ZNF385D: variants seen among roughly 807,000 people sequenced by gnomAD.
ZNF385D encodes the protein zinc finger protein 659.
A neutral mutation model predicts 35.8 loss-of-function variants in ZNF385D; 15 were observed. That is an observed-to-expected ratio of 0.42 (90% confidence interval 0.28 to 0.64). ZNF385D has a LOEUF of 0.64. Among genes scored for constraint, ZNF385D ranks in the 30% least tolerant of loss-of-function variants. ZNF385D has a pLI of 0.23. For missense variants in ZNF385D, 474 were observed against 494.6 expected, an observed-to-expected ratio of 0.96 and a Z score of 0.39; for synonymous variants, 212 against 186.8, an observed-to-expected ratio of 1.13 and a Z score of -1.10.
At chr3:21,818,186 G>T (rs148991232) in intron 3 of ZNF385D, among the ~76,000 whole-genome samples, 1,955 of 151,762 alleles carry the variant, frequency 0.013, 19 homozygotes, top group Non-Finnish European at 0.02. Flanking sequence ...CGTGATGGGG[G>T]TGGGGATGGG....
intron 3 of ZNF385D, among the ~76,000 whole-genome samples, chr3:21,884,033 C>G (rs1360720132): frequency 1.3e-5 from 2 of 151,920 alleles, no homozygotes; most frequent in Non-Finnish European, 2.9e-5. Flanking sequence ...TTAGAGCTGA[C>G]ATGTAGCATA....
intron 3 of ZNF385D, among the ~76,000 whole-genome samples, chr3:21,920,561 C>G (rs949598733): frequency 1.4e-5 from 2 of 144,902 alleles, no homozygotes; most frequent in Admixed American, 1.4e-4. Context: ...CTGAAAGTGA[C>G]TGAGATCATT....
In ZNF385D at chr3:22,327,049, G is replaced by A. The variant is rs200236871; in HGVS notation, c.106+45401C>T. ...CAGGAGATGAAAGTGAAACCCAAAT[G>A]ACTTTGAAATCTATTAAGTACCTTA... On this transcript the variant is annotated intron_variant, in intron 2 of 5. Coordinates refer to the ZNF385D transcript ENST00000494108. Among the ~76,000 whole-genome samples the A allele has an allele frequency of 2.6e-5, 4 of 152,226 alleles. No individual in the cohort carries two copies. In the East Asian group the frequency reaches 7.7e-4, roughly 29 times the overall value.
chr3:22,197,796 A>G (rs920154025), intron 2 of ZNF385D, among the ~76,000 whole-genome samples: 14 of 152,126 alleles, frequency 9.2e-5, no homozygotes, highest in Non-Finnish European at 2.1e-4. Flanking sequence ...CTTGATGAAC[A>G]AAAGCTGCTT....
chr3:22,089,169 T>C (rs895738691), intron 3 of ZNF385D, among the ~76,000 whole-genome samples: 2 of 152,194 alleles, frequency 1.3e-5, no homozygotes, highest in Non-Finnish European at 2.9e-5. Flanking sequence ...GCATGGCAGA[T>C]ATGCTTTTAA....
intron 2 of ZNF385D, among the ~76,000 whole-genome samples, chr3:22,242,291 G>A (rs920979213): frequency 6.6e-6 from 1 of 151,126 alleles, no homozygotes; most frequent in Non-Finnish European, 1.5e-5. Context: ...GTACTAGCAG[G>A]AAGTTTAAAT....
chr3:22,022,516 C>T (rs1294188787), intron 3 of ZNF385D, among the ~76,000 whole-genome samples: 1 of 151,992 alleles, frequency 6.6e-6, no homozygotes, highest in Non-Finnish European at 1.5e-5. Context: ...ACTGTTTGTA[C>T]TTATAGCAAA....
At chr3:21,815,370 C>T (rs770939953) in intron 3 of ZNF385D, among the ~76,000 whole-genome samples, 3 of 151,966 alleles carry the variant, frequency 2.0e-5, no homozygotes, top group Non-Finnish European at 4.4e-5. Flanking sequence ...CACAAAATAC[C>T]CTTCAAAAAA....
rs138118880 is a variant in ZNF385D, at chr3:22,102,365, T to G, written c.325+66452A>C. On this transcript the variant is annotated intron_variant, in intron 3 of 5. Transcript: ENST00000494108. ...AGAACCAAAAACAGAGAGAAGCAAT[T>G]AGTCCAAGATTGCTTAGATAGTAAG... Among the ~76,000 whole-genome samples, 503 of 152,172 alleles carry G rather than the reference T, an allele frequency of 3.3e-3. 4 individuals carry two copies. The highest frequency in any genetic ancestry group is 0.011 in the African/African-American group (464 of 41,554).
At chr3:22,148,354 C>T (rs1704997074) in intron 3 of ZNF385D, among the ~76,000 whole-genome samples, 1 of 152,178 alleles carries the variant, frequency 6.6e-6, no homozygotes, top group South Asian at 2.1e-4. Context: ...TCTGTAAACA[C>T]TTACCTGTGT....
At chr3:21,542,056 T>A (rs964251006) in intron 3 of ZNF385D, among the ~76,000 whole-genome samples, 3 of 152,034 alleles carry the variant, frequency 2.0e-5, no homozygotes, top group African/African-American at 7.2e-5. Context: ...ACAATAGTAA[T>A]TTTTTTTCAA....
intron 3 of ZNF385D, among the ~76,000 whole-genome samples, chr3:22,039,279 T>C (rs1342780591): frequency 1.4e-5 from 2 of 147,396 alleles, no homozygotes; most frequent in Non-Finnish European, 1.5e-5. Flanking sequence ...AAAAAGAGTC[T>C]ATGTATAAGC....
intron 3 of ZNF385D, among the ~76,000 whole-genome samples, chr3:22,002,589 G>A (rs1272142750): frequency 1.3e-5 from 2 of 152,090 alleles, no homozygotes; most frequent in African/African-American, 4.8e-5. Context: ...GAGGCCAGCA[G>A]TATTCTGACA....
chr3:21,959,053 T>C (rs1337735954), intron 3 of ZNF385D: 2 of 152,186 alleles, frequency 1.3e-5, no homozygotes, highest in Non-Finnish European at 2.9e-5. Context: ...TTCTATTTCA[T>C]GCAGTTAATA....
chr3:21,446,231 A>C (rs1433177124), intron 4 of ZNF385D, among the ~76,000 whole-genome samples: 1 of 152,156 alleles, frequency 6.6e-6, no homozygotes, highest in Non-Finnish European at 1.5e-5. Flanking sequence ...TCCGGTTTAG[A>C]TTAACTGGTC....
intron 1 of ZNF385D, among the ~76,000 whole-genome samples, chr3:21,713,815 A>G (rs1192094401): frequency 6.6e-6 from 1 of 152,158 alleles, no homozygotes; most frequent in Non-Finnish European, 1.5e-5. Context: ...CTGCAACTTT[A>G]CTAGAATCTC....
chr3:22,083,629 G>C (rs1700877738), intron 3 of ZNF385D, among the ~76,000 whole-genome samples: 1 of 152,212 alleles, frequency 6.6e-6, no homozygotes, highest in Admixed American at 6.5e-5. Context: ...AAGTGATGGG[G>C]AGAATGGAAC....
chr3:21,632,926 ATTTAC>A (rs2065322802), intron 2 of ZNF385D, among the ~76,000 whole-genome samples: 1 of 152,052 alleles, frequency 6.6e-6, no homozygotes, highest in Admixed American at 6.6e-5. Context: ...TATTTTATTT[ATTTAC>A]TTGATGAATT....
Position 22,238,674 on chromosome 3 carries a change from T to C in ZNF385D, c.107-69639A>G, listed in dbSNP as rs1699323251. On this transcript the variant is annotated intron_variant, in intron 2 of 5. Coordinates refer to the ZNF385D transcript ENST00000494108. ...TACAGAACTCATTTATTAGCTCTAA[T>C]GGTTTATGTGTATGTATTTGTGTGT... Among the ~76,000 whole-genome samples, 2 of 150,940 alleles carry C rather than the reference T, an allele frequency of 1.3e-5. 1 individual carries two copies. Among genetic ancestry groups the C allele is most frequent in the South Asian group, 4.3e-4 (2 of 4,604 alleles).
Sources: allele counts gnomAD v4.1 joint callset (sites outside exome capture counted in the v4.1 genomes callset), GRCh38; gene constraint gnomAD v4.1.1; transcripts MANE v1.5; gene names NCBI Gene and HGNC (gene_info 2026-07-23, HGNC 2026-07-21).